The following LCP1 variants were observed in gnomAD, a reference collection of about 807,000 sequenced individuals.
LCP1 encodes plastin-2.
Under a neutral mutation model 72.0 loss-of-function variants are expected in LCP1, and 23 were observed. The observed-to-expected ratio is 0.32, with a 90% CI of 0.23 to 0.45. LCP1 has a LOEUF of 0.45. Ranked by LOEUF, LCP1 falls within the 20% of genes least tolerant of loss-of-function variation. The probability of loss-of-function intolerance (pLI) is 1.00; values close to 1 mark genes in which losing one functional copy is unlikely to be tolerated. For synonymous variants in LCP1, 245 were observed against 275.4 expected, an observed-to-expected ratio of 0.89 and a Z score of 1.09; for missense variants, 571 against 748.3, an observed-to-expected ratio of 0.76 and a Z score of 2.76.
In LCP1 at chr13:46,127,579, C is replaced by A. The variant is rs147626577; in HGVS notation, c.*12G>T. On this transcript the variant is annotated 3_prime_UTR_variant, in exon 16 of 16. Coordinates refer to ENST00000323076, the MANE Select transcript of LCP1 (RefSeq NM_002298.5). ...AGTGAGTGCACCGCCTCCCACCCAG[C>A]CCCATTGGGCCTCACACCCTCTTCA... is the stretch of plus-strand genomic sequence containing the variant. The A allele has an allele frequency of 2.7e-3, 4,294 of 1,613,982 alleles. 22 individuals are homozygous for A. Among genetic ancestry groups the A allele is most frequent in the Non-Finnish European group, 2.8e-3 (3,267 of 1,179,942 alleles).
chr13:46,154,133 A>G (rs2045786228), intron 6 of LCP1, among the ~76,000 whole-genome samples: 1 of 152,248 alleles, frequency 6.6e-6, no homozygotes, highest in South Asian at 2.1e-4. Flanking sequence ...GATTATGAGT[A>G]AATTTAACAT....
chr13:46,144,665 G>T (rs540126220), intron 10 of LCP1, 145 bp from the exon 11 acceptor site: 1 of 634,296 alleles, frequency 1.6e-6, no homozygotes, highest in Non-Finnish European at 2.8e-6. Context: ...TTTGGACGAG[G>T]GTTCTTATAC....
chr13:46,154,805 C>T lies in LCP1; in HGVS notation c.573G>A (p.Gln191=). The T allele has an allele frequency of 1.9e-6, 3 of 1,612,254 alleles. No homozygotes were observed. Among genetic ancestry groups the T allele is most frequent in the Non-Finnish European group, 2.5e-6 (3 of 1,178,390 alleles). ...NKKKLTPFTI[Q]ENLNLALNSA... is the part of the protein sequence containing the mutation. Reference sequence around the variant, plus strand: ...TTATGGTAACGGTGGGAAGACATACCTGAATGGTGAAAGGGGTTAGCTTCT... The same window carrying T: ...TTATGGTAACGGTGGGAAGACATACTTGAATGGTGAAAGGGGTTAGCTTCT... Residue 191 remains glutamine (Q), a splice_region_variant and synonymous_variant, in exon 6 of 16, where the codon CAG becomes CAA. Transcript: ENST00000323076.
intron 10 of LCP1, among the ~76,000 whole-genome samples, chr13:46,146,272 G>A (rs894799184): frequency 2.4e-4 from 37 of 152,102 alleles, no homozygotes; most frequent in Non-Finnish European, 4.9e-4. Context: ...CCTTGCTTGG[G>A]TGATATTCAT....
intron 13 of LCP1, among the ~76,000 whole-genome samples, chr13:46,137,227 CAAAG>C (rs949877063): frequency 6.7e-6 from 1 of 149,252 alleles, no homozygotes; most frequent in Non-Finnish European, 1.5e-5. Flanking sequence ...AAAAAAAACA[CAAAG>C]AGAAGAAAGA....
chr13:46,172,822 G>A (rs73474465), intron 1 of LCP1, among the ~76,000 whole-genome samples: 3 of 152,326 alleles, frequency 2.0e-5, no homozygotes, highest in Admixed American at 6.5e-5. Context: ...AGAAAATACT[G>A]CAAAGACAGG....
chr13:46,130,565 A>G (rs567963538), intron 15 of LCP1, among the ~76,000 whole-genome samples: 23 of 150,660 alleles, frequency 1.5e-4, no homozygotes, highest in African/African-American at 4.9e-4. Context: ...TATCAATTAC[A>G]AGAATACTCT....
intron 10 of LCP1, among the ~76,000 whole-genome samples, chr13:46,145,255 T>A (rs548942273): frequency 6.6e-6 from 1 of 152,274 alleles, no homozygotes; most frequent in Admixed American, 6.5e-5. Flanking sequence ...GGCAGAGATA[T>A]AATAAAATCA....
chr13:46,178,563 G>A (rs3783206), intron 1 of LCP1, among the ~76,000 whole-genome samples: 70,090 of 151,676 alleles, frequency 0.46, 17,149 homozygotes, highest in East Asian at 0.61. Flanking sequence ...CTTTTTTAAG[G>A]AGTGCGCTTC....
At chr13:46,132,116 T>A (rs996910130) in intron 14 of LCP1, among the ~76,000 whole-genome samples, 1 of 152,158 alleles carries the variant, frequency 6.6e-6, no homozygotes, top group Non-Finnish European at 1.5e-5. Flanking sequence ...CTCTTTTACT[T>A]AATCAATTCT....
chr13:46,142,139 A>G (rs1423856635), intron 13 of LCP1, among the ~76,000 whole-genome samples, 153 bp downstream of exon 13: 1 of 152,206 alleles, frequency 6.6e-6, no homozygotes, highest in Non-Finnish European at 1.5e-5. Flanking sequence ...GACTGAAAAA[A>G]AAAAAGCAGA....
intron 1 of LCP1, among the ~76,000 whole-genome samples, chr13:46,162,618 C>A (rs1471588140): frequency 6.6e-6 from 1 of 152,140 alleles, no homozygotes; most frequent in African/African-American, 2.4e-5. Context: ...GTTGCCCAGG[C>A]TGGAGTGCAG....
intron 1 of LCP1, among the ~76,000 whole-genome samples, chr13:46,178,358 C>T (rs920958744): frequency 6.6e-6 from 1 of 151,928 alleles, no homozygotes; most frequent in Non-Finnish European, 1.5e-5. Flanking sequence ...AACTGACAAA[C>T]CAAAACAACA....
At chr13:46,150,891 C>T in intron 8 of LCP1, 45 bp downstream of exon 8, 3 of 1,577,272 alleles carry the variant, frequency 1.9e-6, no homozygotes, top group South Asian at 1.2e-5. Context: ...CCCAAATTCC[C>T]CTTCACTCCT....
chr13:46,161,787 C>T (rs2045840042), intron 1 of LCP1, among the ~76,000 whole-genome samples: 1 of 152,226 alleles, frequency 6.6e-6, no homozygotes, highest in African/African-American at 2.4e-5. Flanking sequence ...TAAGACCCCG[C>T]ATGTTTTGCT....
intron 11 of LCP1, 80 bp from the exon 12 acceptor site, chr13:46,143,484 A>T (rs191675634): frequency 9.0e-6 from 8 of 885,022 alleles, no homozygotes; most frequent in Non-Finnish European, 1.5e-5. Context: ...ACTTTCTTAC[A>T]TATTAGTTCA....
intron 4 of LCP1, among the ~76,000 whole-genome samples, chr13:46,157,585 TA>T: frequency 6.6e-6 from 1 of 152,226 alleles, no homozygotes; most frequent in African/African-American, 2.4e-5. Flanking sequence ...TCCTGAGTCA[TA>T]AAAGTTTGGG....
At position 46,147,661 on chromosome 13, in the gene LCP1, T is replaced by A. The variant is rs576645584; in HGVS notation, c.979-558A>T. On this transcript the variant is annotated intron_variant, in intron 9 of 15. Transcript: ENST00000323076. ...TATTATTATTGATAAATATATAATA[T>A]CAATTTTATTTTTGCAGACTTCAGA... Among the ~76,000 whole-genome samples the A allele has an allele frequency of 9.7e-4, 147 of 152,294 alleles. 1 individual carries two copies. Among genetic ancestry groups the A allele is most frequent in the Admixed American group, 4.5e-3 (69 of 15,300 alleles).
intron 1 of LCP1, among the ~76,000 whole-genome samples, chr13:46,179,332 A>G (rs1456476062): frequency 1.3e-5 from 2 of 152,236 alleles, no homozygotes; most frequent in Non-Finnish European, 2.9e-5. Context: ...TTAAGTTAAT[A>G]AGTACAATCA....
Sources: allele counts gnomAD v4.1 joint callset (sites outside exome capture counted in the v4.1 genomes callset), GRCh38; gene constraint gnomAD v4.1.1; transcripts MANE v1.5; gene names NCBI Gene and HGNC (gene_info 2026-07-23, HGNC 2026-07-21).